The following GALNTL6 variants were observed in gnomAD, a reference collection of about 807,000 sequenced individuals.
The protein encoded by GALNTL6 is polypeptide N-acetylgalactosaminyltransferase-like 6.
GALNTL6 carries 46 observed loss-of-function variants against 73.7 expected under a neutral mutation model. The ratio of observed to expected loss-of-function variants is 0.62; its 90% CI spans 0.49 to 0.80. The LOEUF (loss-of-function observed/expected upper bound fraction) is 0.80. Ranked by LOEUF, GALNTL6 falls within the 30% of genes least tolerant of loss-of-function variation. The probability of loss-of-function intolerance (pLI) is 0.00; values close to 1 mark genes in which losing one functional copy is unlikely to be tolerated. For missense variants in GALNTL6, 604 were observed against 755.0 expected, an observed-to-expected ratio of 0.80 and a Z score of 2.34; for synonymous variants, 259 against 263.7, an observed-to-expected ratio of 0.98 and a Z score of 0.17.
chr4:172,482,782 C>T (rs939438588), intron 5 of GALNTL6, among the ~76,000 whole-genome samples: 1 of 152,182 alleles, frequency 6.6e-6, no homozygotes, highest in East Asian at 1.9e-4. Context: ...GAAATTTAAG[C>T]TCCACCAAGA....
intron 2 of GALNTL6, among the ~76,000 whole-genome samples, chr4:171,940,820 A>AAATT (rs1738512008): frequency 1.2e-5 from 1 of 83,236 alleles, no homozygotes; most frequent in African/African-American, 3.6e-5. Flanking sequence ...TCCATCTCAG[A>AAATT]AAATAAATAA....
At chr4:172,526,626 T>C (rs1486105337) in intron 5 of GALNTL6, among the ~76,000 whole-genome samples, 1 of 152,196 alleles carries the variant, frequency 6.6e-6, no homozygotes, top group Non-Finnish European at 1.5e-5. Flanking sequence ...CATGAAAAGT[T>C]CTTAACCAAA....
At chr4:172,980,949 A>G (rs1751037233) in intron 10 of GALNTL6, among the ~76,000 whole-genome samples, 2 of 152,172 alleles carry the variant, frequency 1.3e-5, no homozygotes, top group African/African-American at 4.8e-5. Flanking sequence ...ATCACACAAT[A>G]TATTTCCTTT....
intron 2 of GALNTL6, among the ~76,000 whole-genome samples, chr4:172,049,748 C>G (rs1287901505): frequency 6.6e-6 from 1 of 152,142 alleles, no homozygotes; most frequent in African/African-American, 2.4e-5. Flanking sequence ...CTTTGGGAGG[C>G]CAAGGCAGGT....
At chr4:172,698,067 G>C (rs1037508742) in intron 5 of GALNTL6, among the ~76,000 whole-genome samples, 1 of 152,064 alleles carries the variant, frequency 6.6e-6, no homozygotes, top group Non-Finnish European at 1.5e-5. Flanking sequence ...TACATTTGAG[G>C]CTGGCATTAT....
At chr4:172,939,279 A>G (rs1272559079) in intron 9 of GALNTL6, among the ~76,000 whole-genome samples, 1 of 152,180 alleles carries the variant, frequency 6.6e-6, no homozygotes, top group Non-Finnish European at 1.5e-5. Flanking sequence ...CTGGGTGACA[A>G]TGTGAGACCC....
intron 3 of GALNTL6, among the ~76,000 whole-genome samples, chr4:172,284,039 A>C (rs545553803): frequency 2.0e-5 from 3 of 152,272 alleles, no homozygotes; most frequent in Non-Finnish European, 4.4e-5. Flanking sequence ...TCTTTGGAAA[A>C]TATGAGTGAA....
chr4:172,642,423 A>AT (rs1740031385), intron 5 of GALNTL6, among the ~76,000 whole-genome samples: 1 of 152,086 alleles, frequency 6.6e-6, no homozygotes, highest in Admixed American at 6.6e-5. Flanking sequence ...AAATCCTGTC[A>AT]TTTGCAACAA....
At chr4:171,954,141 C>T (rs199613059) in intron 2 of GALNTL6, among the ~76,000 whole-genome samples, 100 of 152,128 alleles carry the variant, frequency 6.6e-4, no homozygotes, top group African/African-American at 2.4e-3. Flanking sequence ...TTTATGTAGC[C>T]TTATTTTGTG....
intron 2 of GALNTL6, among the ~76,000 whole-genome samples, chr4:172,015,199 G>A (rs1741147521): frequency 6.6e-6 from 1 of 151,898 alleles, no homozygotes. Flanking sequence ...CATTTCTTAG[G>A]TCTAGTAGCA....
chr4:172,111,361 C>T (rs2110979651), intron 2 of GALNTL6, among the ~76,000 whole-genome samples: 1 of 152,056 alleles, frequency 6.6e-6, no homozygotes, highest in East Asian at 1.9e-4. Context: ...GTAAAGTGAA[C>T]ATCTTTTGAA....
chr4:172,968,350 A>G (rs1436413242), intron 10 of GALNTL6, among the ~76,000 whole-genome samples: 1 of 152,212 alleles, frequency 6.6e-6, no homozygotes, highest in Admixed American at 6.5e-5. Flanking sequence ...TACCAGTGGA[A>G]TTAAAAGACC....
chr4:172,699,268 A>G (rs978044655), intron 5 of GALNTL6, among the ~76,000 whole-genome samples: 4 of 152,210 alleles, frequency 2.6e-5, no homozygotes, highest in Non-Finnish European at 5.9e-5. Flanking sequence ...ACAAACATTT[A>G]GACCATAGCA....
chr4:172,183,046 T>C (rs1171981008), intron 2 of GALNTL6, among the ~76,000 whole-genome samples: 1 of 152,240 alleles, frequency 6.6e-6, no homozygotes, highest in African/African-American at 2.4e-5. Context: ...TGATTTGCTG[T>C]ACAACCTAAT....
intron 5 of GALNTL6, among the ~76,000 whole-genome samples, chr4:172,757,379 A>T (rs1453612209): frequency 6.6e-6 from 1 of 152,212 alleles, no homozygotes; most frequent in Non-Finnish European, 1.5e-5. Context: ...GTACTATGGT[A>T]CTGCCCAGGC....
chr4:172,401,953 G>A (rs456021), intron 5 of GALNTL6, among the ~76,000 whole-genome samples: 1,061 of 92,300 alleles, frequency 0.011, 113 homozygotes, highest in African/African-American at 0.036. Flanking sequence ...GGGGGAGGGG[G>A]GAGAGAGAGA....
chr4:171,832,381 A>G (rs28636048), intron 2 of GALNTL6, among the ~76,000 whole-genome samples: 23,642 of 151,326 alleles, frequency 0.16, 1,960 homozygotes, highest in South Asian at 0.28. Flanking sequence ...TTTATTTAAT[A>G]TGTTCTTGTT....
chr4:171,880,133 TA>T (rs530707074), intron 2 of GALNTL6, among the ~76,000 whole-genome samples: 116 of 152,314 alleles, frequency 7.6e-4, no homozygotes, highest in African/African-American at 2.5e-3. Flanking sequence ...ATGTTTCATT[TA>T]TTTTAGATCC....
rs140293761 is a variant in GALNTL6 at position 172,366,395 on chromosome 4, C to T, written c.553+17706C>T. ...TAAATAATTTCATTTGTAATCACCA[C>T]ATTGTCATATTTTTATTTGTCATTT... is the stretch of plus-strand genomic sequence containing the variant. On this transcript the variant is annotated intron_variant, in intron 5 of 12. Coordinates refer to ENST00000506823, the MANE Select transcript of GALNTL6 (RefSeq NM_001034845.3). Among the ~76,000 whole-genome samples the T allele has an allele frequency of 1.2e-3, 176 of 152,210 alleles. 1 individual carries two copies. The highest frequency in any genetic ancestry group is 1.8e-3 in the Non-Finnish European group (121 of 68,022).
Sources: allele counts gnomAD v4.1 joint callset (sites outside exome capture counted in the v4.1 genomes callset), GRCh38; gene constraint gnomAD v4.1.1; transcripts MANE v1.5; gene names NCBI Gene and HGNC (gene_info 2026-07-23, HGNC 2026-07-21).